The following KANSL1 variants were observed in gnomAD, a reference collection of about 807,000 sequenced individuals.
The protein encoded by KANSL1 is KAT8 regulatory NSL complex subunit 1.
KANSL1 carries 22 observed loss-of-function variants against 103.6 expected under a neutral mutation model. The observed-to-expected ratio is 0.21, with a 90% CI of 0.15 to 0.30. KANSL1 has a LOEUF of 0.30. Ranked by LOEUF, KANSL1 falls within the 10% of genes least tolerant of loss-of-function variation. The pLI is 1.00. For synonymous variants in KANSL1, 600 were observed against 527.6 expected, an observed-to-expected ratio of 1.14 and a Z score of -1.88; for missense variants, 1,337 against 1,399.8, an observed-to-expected ratio of 0.96 and a Z score of 0.72.
At chr17:46,125,938 A>G (rs935738189) in intron 2 of KANSL1, among the ~76,000 whole-genome samples, 1 of 152,226 alleles carries the variant, frequency 6.6e-6, no homozygotes, top group Admixed American at 6.5e-5. Flanking sequence ...TCTAATCTTT[A>G]TATGAACTCA....
rs56154541 is a variant in KANSL1, at chr17:46,205,680, C to CAAAAAA, written c.-90+17985_-90+17990dup. 5.2e-4 allele frequency among the ~76,000 whole-genome samples: 48 copies of CAAAAAA among 93,092 alleles called. 2 individuals carry two copies. Among genetic ancestry groups the CAAAAAA allele is most frequent in the Admixed American group, 1.5e-3 (13 of 8,546 alleles). 61.1% of individuals were successfully genotyped at this position (93,092 alleles called of 152,430 possible). A position where few individuals can be genotyped will look rare whatever the true frequency, so the allele number is the denominator to read the frequency against. On this transcript the variant is annotated intron_variant, in intron 1 of 14. Coordinates refer to the KANSL1 transcript ENST00000572904. Reference sequence around the variant, plus strand: ...TAGGTGACAGAATGAGACACTGTCTCAAAAAAAAAAAAAAAAAAGACTTAG... The same window carrying CAAAAAA: ...TAGGTGACAGAATGAGACACTGTCTCAAAAAAAAAAAAAAAAAAAAAAAAGACTTAG...
chr17:46,140,036 T>C (rs1341026207), intron 2 of KANSL1, among the ~76,000 whole-genome samples: 2 of 152,130 alleles, frequency 1.3e-5, no homozygotes, highest in African/African-American at 2.4e-5. Flanking sequence ...TATTAAAAAA[T>C]AAATGAAAGT....
chr17:46,086,310 T>C (rs1438327119), intron 3 of KANSL1, among the ~76,000 whole-genome samples: 1 of 152,196 alleles, frequency 6.6e-6, no homozygotes, highest in Non-Finnish European at 1.5e-5. Flanking sequence ...GGACCATCTA[T>C]TCATCGACAT....
Position 46,096,136 on chromosome 17 carries a change from A to ATTTTTT in KANSL1, c.1290-1441_1290-1436dup, listed in dbSNP as rs60771086. ...GCATACCCAACCATCATGATACTGT[A>ATTTTTT]TTTTTTTTTTTTTTTTCCTGAGAGG... On this transcript the variant is annotated intron_variant, in intron 2 of 14. Coordinates refer to ENST00000432791, the MANE Select transcript of KANSL1 (RefSeq NM_015443.4). 4.4e-5 allele frequency among the ~76,000 whole-genome samples: 6 copies of ATTTTTT among 137,464 alleles called. 1 individual carries two copies. The highest frequency in any genetic ancestry group is 2.2e-4 in the South Asian group (1 of 4,538). 90.2% of individuals were successfully genotyped at this position (137,464 alleles called of 152,430 possible).
intron 1 of KANSL1, among the ~76,000 whole-genome samples, chr17:46,219,250 T>TTAAAAAAAA (rs71262051): frequency 2.7e-4 from 37 of 135,252 alleles, no homozygotes; most frequent in African/African-American, 9.6e-4. Context: ...TCTTGTCTCA[T>TTAAAAAAAA]AAAAAAAAAA....
At chr17:46,151,304 G>A (rs2045088798) in intron 2 of KANSL1, among the ~76,000 whole-genome samples, 1 of 152,150 alleles carries the variant, frequency 6.6e-6, no homozygotes, top group Non-Finnish European at 1.5e-5. Context: ...AACAAACCGG[G>A]CTCAGTCCCA....
At chr17:46,109,201 G>C (rs912883276) in intron 2 of KANSL1, among the ~76,000 whole-genome samples, 4 of 152,152 alleles carry the variant, frequency 2.6e-5, no homozygotes, top group African/African-American at 9.7e-5. Flanking sequence ...TCCTGCCTCA[G>C]CCTTCCAAAA....
chr17:46,189,634 G>A (rs2047211069), intron 1 of KANSL1, among the ~76,000 whole-genome samples: 1 of 152,150 alleles, frequency 6.6e-6, no homozygotes, highest in African/African-American at 2.4e-5. Flanking sequence ...TGTAATTCCG[G>A]CACTTCTGGG....
chr17:46,166,213 C>CAAAAAAAAAAAAA (rs147552413), intron 2 of KANSL1, among the ~76,000 whole-genome samples: 72 of 95,080 alleles, frequency 7.6e-4, no homozygotes, highest in Admixed American at 1.5e-3. Context: ...GACTCTGTCT[C>CAAAAAAAAAAAAA]AAAAAAAAAA....
intron 3 of KANSL1, among the ~76,000 whole-genome samples, chr17:46,083,828 G>A (rs1156390083): frequency 6.6e-6 from 1 of 152,146 alleles, no homozygotes; most frequent in African/African-American, 2.4e-5. Context: ...ACTAGGGATT[G>A]TGACTATTAG....
intron 2 of KANSL1, among the ~76,000 whole-genome samples, chr17:46,164,748 T>G (rs1394284685): frequency 6.6e-6 from 1 of 152,264 alleles, no homozygotes; most frequent in African/African-American, 2.4e-5. Context: ...GTTTCATTCA[T>G]GTTATTTAAA....
At chr17:46,149,322 G>A (rs2044940769) in intron 2 of KANSL1, among the ~76,000 whole-genome samples, 1 of 152,150 alleles carries the variant, frequency 6.6e-6, no homozygotes, top group Non-Finnish European at 1.5e-5. Flanking sequence ...TTCTACTAGG[G>A]CTATCACAAT....
At chr17:46,060,448 A>C (rs547910726) in intron 6 of KANSL1, among the ~76,000 whole-genome samples, 2 of 152,306 alleles carry the variant, frequency 1.3e-5, no homozygotes, top group East Asian at 1.9e-4. Context: ...TTTATAATGT[A>C]TATATAAAAC....
At chr17:46,114,533 T>TTCTA in intron 2 of KANSL1, among the ~76,000 whole-genome samples, 2 of 152,346 alleles carry the variant, frequency 1.3e-5, no homozygotes, top group Admixed American at 1.3e-4. Flanking sequence ...TCCCTAGGAC[T>TTCTA]TCTACATTGC....
intron 3 of KANSL1, chr17:46,093,103 C>CA (rs1465044408): frequency 6.6e-6 from 1 of 152,140 alleles, no homozygotes; most frequent in South Asian, 2.1e-4. Context: ...CTCTAGTTCT[C>CA]AAATATAGAA....
intron 1 of KANSL1, among the ~76,000 whole-genome samples, chr17:46,209,376 T>C (rs1173592034): frequency 6.6e-6 from 1 of 152,238 alleles, no homozygotes; most frequent in Non-Finnish European, 1.5e-5. Flanking sequence ...AAATTACTCT[T>C]AATAAGCATA....
At chr17:46,135,884 T>C (rs574168073) in intron 2 of KANSL1, among the ~76,000 whole-genome samples, 1 of 152,216 alleles carries the variant, frequency 6.6e-6, no homozygotes, top group African/African-American at 2.4e-5. Flanking sequence ...AAAGAGCATG[T>C]AGAGCAAACT....
intron 2 of KANSL1, among the ~76,000 whole-genome samples, chr17:46,165,843 T>C (rs1298053480): frequency 6.6e-6 from 1 of 152,104 alleles, no homozygotes; most frequent in Admixed American, 6.5e-5. Context: ...CCAAAGTATC[T>C]AAAAAGCAAA....
In KANSL1 at chr17:46,211,591, T is replaced by C. The variant is rs527951754; in HGVS notation, c.-90+12080A>G. Among the ~76,000 whole-genome samples, 49 of 152,332 alleles carry C rather than the reference T, an allele frequency of 3.2e-4. 1 individual carries two copies. Among genetic ancestry groups the C allele is most frequent in the African/African-American group, 1.1e-3 (46 of 41,562 alleles). On this transcript the variant is annotated intron_variant, in intron 1 of 14. Coordinates refer to the KANSL1 transcript ENST00000572904. ...ACTAAAATGCAGTTCTGAGTAGTTA[T>C]CATAAATCCAGAAAGGGAAAGCAAT... is the stretch of plus-strand genomic sequence containing the variant.
Sources: allele counts gnomAD v4.1 joint callset (sites outside exome capture counted in the v4.1 genomes callset), GRCh38; gene constraint gnomAD v4.1.1; transcripts MANE v1.5; gene names NCBI Gene and HGNC (gene_info 2026-07-23, HGNC 2026-07-21).